The following CTDSPL variants were observed in gnomAD, a reference collection of about 807,000 sequenced individuals.
The protein encoded by CTDSPL is CTD small phosphatase like, also known as CTD small phosphatase-like protein.
In CTDSPL, 8 loss-of-function variants were observed where a neutral mutation model predicts 30.5. The observed-to-expected ratio is 0.26, with a 90% confidence interval of 0.15 to 0.47. The LOEUF (loss-of-function observed/expected upper bound fraction) is 0.47. CTDSPL is among the 20% of genes least tolerant of loss of function. The pLI is 0.99. For missense variants in CTDSPL, 248 were observed against 366.1 expected, an observed-to-expected ratio of 0.68 and a Z score of 2.63; for synonymous variants, 110 against 137.9, an observed-to-expected ratio of 0.80 and a Z score of 1.42.
chr3:37,974,462 C>T (rs974732875), intron 6 of CTDSPL, among the ~76,000 whole-genome samples: 54 of 152,356 alleles, frequency 3.5e-4, no homozygotes, highest in South Asian at 4.1e-4. Flanking sequence ...CACTGGGTCC[C>T]GCTGATGCCT....
At chr3:37,972,500 A>G (rs1210717451) in intron 6 of CTDSPL, among the ~76,000 whole-genome samples, 1 of 152,166 alleles carries the variant, frequency 6.6e-6, no homozygotes, top group Non-Finnish European at 1.5e-5. Context: ...AAATATATAT[A>G]CATATATTTA....
chr3:37,957,028 G>A (rs976040603), intron 2 of CTDSPL, 83 bp from the exon 3 acceptor site: 2 of 1,112,406 alleles, frequency 1.8e-6, no homozygotes, highest in Non-Finnish European at 1.4e-6. Flanking sequence ...CAGCTGCTGT[G>A]CTCAAGAGGG....
At chr3:37,962,769 T>A (rs1437687903) in intron 3 of CTDSPL, among the ~76,000 whole-genome samples, 1 of 152,204 alleles carries the variant, frequency 6.6e-6, no homozygotes, top group Non-Finnish European at 1.5e-5. Context: ...AAGGGAGACA[T>A]AGAAAAGAGA....
chr3:37,912,939 C>A (rs751003415), intron 1 of CTDSPL, among the ~76,000 whole-genome samples: 31 of 152,168 alleles, frequency 2.0e-4, no homozygotes, highest in Non-Finnish European at 3.4e-4. Flanking sequence ...TTAATCTTCA[C>A]AAAAATTTTC....
chr3:37,954,254 T>C (rs1195859037), intron 2 of CTDSPL, among the ~76,000 whole-genome samples: 1 of 152,260 alleles, frequency 6.6e-6, no homozygotes, highest in African/African-American at 2.4e-5. Flanking sequence ...TACTGTTCAT[T>C]CATGAACTTC....
At chr3:37,936,085 C>T (rs996271922) in intron 1 of CTDSPL, among the ~76,000 whole-genome samples, 2 of 152,188 alleles carry the variant, frequency 1.3e-5, no homozygotes, top group South Asian at 4.1e-4. Context: ...TGGGGAAACA[C>T]ATCTGCCTTT....
At chr3:37,928,061 C>T (rs531815288) in intron 1 of CTDSPL, among the ~76,000 whole-genome samples, 1 of 152,132 alleles carries the variant, frequency 6.6e-6, no homozygotes, top group African/African-American at 2.4e-5. Context: ...TGCTGTGGCA[C>T]GTGTCAAAAT....
At chr3:37,974,740 A>G (rs1415380767) in intron 6 of CTDSPL, among the ~76,000 whole-genome samples, 3 of 152,188 alleles carry the variant, frequency 2.0e-5, no homozygotes. Flanking sequence ...GGCTTCAAGG[A>G]AGTGGATGGG....
intron 1 of CTDSPL, among the ~76,000 whole-genome samples, chr3:37,869,697 G>T (rs1050910582): frequency 1.3e-5 from 2 of 152,100 alleles, no homozygotes; most frequent in African/African-American, 4.8e-5. Context: ...CCAGTCTTAG[G>T]GGGAAACCAT....
intron 1 of CTDSPL, among the ~76,000 whole-genome samples, chr3:37,931,652 TCA>T (rs1372139351): frequency 5.9e-5 from 9 of 152,190 alleles, no homozygotes; most frequent in Non-Finnish European, 1.3e-4. Context: ...GATTCCTTTC[TCA>T]TTTTCTTTTA....
intron 1 of CTDSPL, among the ~76,000 whole-genome samples, chr3:37,917,189 G>A (rs932553359): frequency 6.6e-6 from 1 of 152,224 alleles, no homozygotes; most frequent in East Asian, 1.9e-4. Context: ...GGGTAAGGGT[G>A]GGAGCACAGT....
intron 3 of CTDSPL, among the ~76,000 whole-genome samples, chr3:37,960,880 C>T (rs1008162983): frequency 1.2e-4 from 18 of 152,084 alleles, no homozygotes; most frequent in East Asian, 9.7e-4. Context: ...TGTTGCTTGT[C>T]GTTTTAAATT....
intron 1 of CTDSPL, among the ~76,000 whole-genome samples, chr3:37,939,510 ATAATT>A (rs1165745755): frequency 6.7e-6 from 1 of 150,374 alleles, no homozygotes; most frequent in Non-Finnish European, 1.5e-5. Flanking sequence ...TGCATTGGTC[ATAATT>A]TAAAGTTTAA....
At chr3:37,905,514 G>T (rs996340673) in intron 1 of CTDSPL, among the ~76,000 whole-genome samples, 1 of 152,204 alleles carries the variant, frequency 6.6e-6, no homozygotes, top group African/African-American at 2.4e-5. Context: ...AGCTATTTCT[G>T]TATGTAAGTA....
intron 2 of CTDSPL, among the ~76,000 whole-genome samples, chr3:37,955,544 A>G (rs561045112): frequency 6.6e-6 from 1 of 152,364 alleles, no homozygotes; most frequent in East Asian, 1.9e-4. Context: ...ATTTGCAGCA[A>G]CATGGTTGGA....
At chr3:37,877,773 G>A (rs553204267) in intron 1 of CTDSPL, among the ~76,000 whole-genome samples, 1 of 152,276 alleles carries the variant, frequency 6.6e-6, no homozygotes, top group East Asian at 1.9e-4. Flanking sequence ...GCCTCAGGAA[G>A]CTTATAGTCG....
At chr3:37,903,985 C>T (rs115734664) in intron 1 of CTDSPL, among the ~76,000 whole-genome samples, 1,744 of 152,286 alleles carry the variant, frequency 0.011, 33 homozygotes, top group African/African-American at 0.039. Context: ...CAGAAAATAA[C>T]CAAGATGGCA....
chr3:37,919,112 A>AC (rs776455939), intron 1 of CTDSPL, among the ~76,000 whole-genome samples: 6 of 151,846 alleles, frequency 4.0e-5, no homozygotes, highest in East Asian at 1.9e-4. Context: ...CCTTCCCCCT[A>AC]CCCCCCACCA....
intron 3 of CTDSPL, among the ~76,000 whole-genome samples, chr3:37,959,967 GC>G (rs60148644): frequency 0.063 from 9,618 of 152,214 alleles, 323 homozygotes; most frequent in South Asian, 0.14. Flanking sequence ...ACTTGGAGAG[GC>G]CGAGGAGGGC....
Sources: allele counts gnomAD v4.1 joint callset (sites outside exome capture counted in the v4.1 genomes callset), GRCh38; gene constraint gnomAD v4.1.1; transcripts MANE v1.5; gene names NCBI Gene and HGNC (gene_info 2026-07-23, HGNC 2026-07-21).